The following PTPRD variants were observed in gnomAD, a reference collection of about 807,000 sequenced individuals.
PTPRD encodes receptor-type tyrosine-protein phosphatase delta.
A neutral mutation model predicts 214.5 loss-of-function variants in PTPRD; 34 were observed. The observed-to-expected ratio is 0.16, with a 90% confidence interval of 0.12 to 0.21. The LOEUF (loss-of-function observed/expected upper bound fraction) is 0.21, where lower values mean the gene tolerates loss of function less well. Ranked by LOEUF, PTPRD falls within the 10% of genes least tolerant of loss-of-function variation. The pLI is 1.00. For missense variants in PTPRD, 2,545 were observed against 2,398.7 expected (o/e 1.06, Z -1.27); for synonymous variants, 1,128 against 845.7 (o/e 1.33, Z -5.79).
At chr9:8,869,563 A>C (rs2098258179) in intron 11 of PTPRD, among the ~76,000 whole-genome samples, 1 of 152,080 alleles carries the variant, frequency 6.6e-6, no homozygotes, top group East Asian at 1.9e-4. Flanking sequence ...AATTGTTGGC[A>C]AGCTTCTCAG....
intron 9 of PTPRD, among the ~76,000 whole-genome samples, chr9:9,382,712 A>C (rs2062707143): frequency 6.6e-6 from 1 of 152,078 alleles, no homozygotes. Flanking sequence ...TGGGAATGTA[A>C]AACAGTACAG....
intron 8 of PTPRD, among the ~76,000 whole-genome samples, chr9:9,474,267 T>C (rs1228710252): frequency 1.3e-5 from 2 of 152,070 alleles, no homozygotes; most frequent in African/African-American, 2.4e-5. Flanking sequence ...GTGGCTGCAA[T>C]AGGTAAATTA....
intron 14 of PTPRD, among the ~76,000 whole-genome samples, chr9:8,594,477 C>T (rs1020052526): frequency 6.6e-6 from 1 of 151,966 alleles, no homozygotes; most frequent in African/African-American, 2.4e-5. Context: ...TTGAAAAATC[C>T]ACCTAATCAT....
chr9:10,126,332 A>G (rs2098818941), intron 3 of PTPRD, among the ~76,000 whole-genome samples: 1 of 151,866 alleles, frequency 6.6e-6, no homozygotes. Flanking sequence ...ATATCATCAT[A>G]CTTGTTTTAA....
intron 2 of PTPRD, among the ~76,000 whole-genome samples, chr9:10,597,054 T>C (rs1298668920): frequency 6.6e-6 from 1 of 150,970 alleles, no homozygotes; most frequent in African/African-American, 2.4e-5. Context: ...TAGGTTATAG[T>C]CTTGGATTTA....
chr9:8,983,959 G>C (rs1182667442), intron 11 of PTPRD, among the ~76,000 whole-genome samples: 1 of 151,918 alleles, frequency 6.6e-6, no homozygotes, highest in Non-Finnish European at 1.5e-5. Flanking sequence ...CAGATCAAAA[G>C]ACCAATATTT....
chr9:9,500,521 T>C (rs773858940), intron 8 of PTPRD, among the ~76,000 whole-genome samples: 3 of 152,122 alleles, frequency 2.0e-5, no homozygotes, highest in East Asian at 1.9e-4. Context: ...TTTGGTTGGA[T>C]AGGGTATCAG....
intron 3 of PTPRD, among the ~76,000 whole-genome samples, chr9:10,151,365 C>T (rs1052280302): frequency 4.9e-5 from 7 of 144,310 alleles, no homozygotes; most frequent in Non-Finnish European, 9.0e-5. Context: ...CGAGTTCAAG[C>T]GATTCTCCTT....
chr9:8,753,571 A>T (rs537626379), intron 11 of PTPRD, among the ~76,000 whole-genome samples: 7,699 of 152,258 alleles, frequency 0.051, 482 homozygotes, highest in African/African-American at 0.15. Flanking sequence ...TTGACTAGTT[A>T]CTAGAATGTG....
intron 14 of PTPRD, among the ~76,000 whole-genome samples, chr9:8,577,435 AG>A (rs2092556488): frequency 6.6e-6 from 1 of 152,036 alleles, no homozygotes; most frequent in African/African-American, 2.4e-5. Flanking sequence ...TTGTATTTTT[AG>A]TACAGACAGG....
At chr9:9,855,153 G>A (rs972302169) in intron 5 of PTPRD, among the ~76,000 whole-genome samples, 7 of 152,106 alleles carry the variant, frequency 4.6e-5, no homozygotes, top group Admixed American at 2.6e-4. Flanking sequence ...TCCAAGTCAA[G>A]GTAGCCTTTC....
chr9:10,156,117 TGTGTGTGC>T lies in PTPRD; in HGVS notation c.-544-122335_-544-122328del, dbSNP rs1346088679. 1.1e-3 allele frequency among the ~76,000 whole-genome samples: 161 copies of T among 145,234 alleles called. 1 individual carries two copies. The highest frequency in any genetic ancestry group is 3.7e-3 in the African/African-American group (139 of 37,830). On this transcript the variant is annotated intron_variant, in intron 3 of 45. Transcript: ENST00000381196. ...GTGTGTGTGTGTGTGTGTGTGTGTG[TGTGTGTGC>T]CTGTCTCCTTTGGTTCAGCTCTAAT...
At chr9:9,354,058 G>A (rs1238175154) in intron 9 of PTPRD, among the ~76,000 whole-genome samples, 2 of 151,736 alleles carry the variant, frequency 1.3e-5, no homozygotes, top group Non-Finnish European at 2.9e-5. Context: ...TCCCCACATG[G>A]CCTCCTTCTT....
At chr9:10,313,128 G>A (rs185815885) in intron 3 of PTPRD, among the ~76,000 whole-genome samples, 91 of 151,894 alleles carry the variant, frequency 6.0e-4, no homozygotes, top group Non-Finnish European at 1.2e-3. Context: ...AGACCAGATT[G>A]GAACAGAAAT....
intron 5 of PTPRD, among the ~76,000 whole-genome samples, chr9:9,831,857 T>G (rs940944475): frequency 6.6e-6 from 1 of 152,044 alleles, no homozygotes; most frequent in Non-Finnish European, 1.5e-5. Context: ...TGCCAGAGTT[T>G]CTATATTCTT....
At chr9:10,030,527 G>C (rs2097039530) in intron 4 of PTPRD, among the ~76,000 whole-genome samples, 1 of 152,072 alleles carries the variant, frequency 6.6e-6, no homozygotes, top group Admixed American at 6.5e-5. Context: ...TATCATGAAA[G>C]CTATAGACTG....
intron 9 of PTPRD, among the ~76,000 whole-genome samples, chr9:9,186,601 ACT>A (rs1385455864): frequency 7.0e-6 from 1 of 143,454 alleles, no homozygotes; most frequent in East Asian, 2.1e-4. Context: ...ACAAAACAAG[ACT>A]CTGTCTCTCT....
intron 3 of PTPRD, among the ~76,000 whole-genome samples, chr9:10,102,732 T>C (rs983052540): frequency 6.6e-6 from 1 of 151,606 alleles, no homozygotes; most frequent in Non-Finnish European, 1.5e-5. Context: ...GTCTTCAGTT[T>C]ACCCAAGTGC....
At chr9:9,283,839 T>C (rs2133740416) in intron 9 of PTPRD, among the ~76,000 whole-genome samples, 1 of 151,800 alleles carries the variant, frequency 6.6e-6, no homozygotes, top group East Asian at 2.0e-4. Context: ...AACTGAATAA[T>C]TCTGAGTACC....
Sources: allele counts gnomAD v4.1 joint callset (sites outside exome capture counted in the v4.1 genomes callset), GRCh38; gene constraint gnomAD v4.1.1; transcripts MANE v1.5; gene names NCBI Gene and HGNC (gene_info 2026-07-23, HGNC 2026-07-21).